TGFBRAP1: variants seen among roughly 807,000 people sequenced by gnomAD.
TGFBRAP1 encodes the protein transforming growth factor beta receptor associated protein 1, also known as transforming growth factor-beta receptor-associated protein 1.
TGFBRAP1 carries 20 observed loss-of-function variants against 83.2 expected under a neutral mutation model. The observed-to-expected ratio is 0.24, with a 90% CI of 0.17 to 0.35. The LOEUF is 0.35. Among genes scored for constraint, TGFBRAP1 ranks in the 10% least tolerant of loss-of-function variants. The pLI is 1.00. For missense variants in TGFBRAP1, 950 were observed against 1,099.4 expected (o/e 0.86, Z 1.92); for synonymous variants, 415 against 459.8 (o/e 0.90, Z 1.25).
intron 10 of TGFBRAP1, among the ~76,000 whole-genome samples, chr2:105,270,735 G>A (rs781370282): frequency 1.3e-5 from 2 of 152,192 alleles, no homozygotes; most frequent in African/African-American, 2.4e-5. Context: ...AATACGCAAC[G>A]CCTTCATCCT....
intron 2 of TGFBRAP1, among the ~76,000 whole-genome samples, chr2:105,301,895 C>A (rs1678306985): frequency 6.6e-6 from 1 of 151,346 alleles, no homozygotes; most frequent in African/African-American, 2.4e-5. Context: ...TGCCACCACA[C>A]CTGGTGAGAT....
intron 4 of TGFBRAP1, among the ~76,000 whole-genome samples, chr2:105,291,236 AG>A (rs750972077): frequency 1.3e-5 from 2 of 152,010 alleles, no homozygotes; most frequent in Non-Finnish European, 2.9e-5. Flanking sequence ...ATCCTGAGAG[AG>A]CTTGCTTCTG....
At chr2:105,274,713 C>A (rs2104320793) in intron 8 of TGFBRAP1, among the ~76,000 whole-genome samples, 1 of 152,328 alleles carries the variant, frequency 6.6e-6, no homozygotes, top group Non-Finnish European at 1.5e-5. Flanking sequence ...AACAAGTATG[C>A]AAAGTGCAAG....
At chr2:105,304,756 C>G (rs1573203092) in intron 2 of TGFBRAP1, among the ~76,000 whole-genome samples, 1 of 152,224 alleles carries the variant, frequency 6.6e-6, no homozygotes, top group African/African-American at 2.4e-5. Context: ...GCACTCCAGC[C>G]TGGGCGACAG....
chr2:105,293,493 G>A (rs1432062220), intron 4 of TGFBRAP1, among the ~76,000 whole-genome samples: 1 of 152,178 alleles, frequency 6.6e-6, no homozygotes, highest in Non-Finnish European at 1.5e-5. Flanking sequence ...TGCTTTAAAT[G>A]AAGGGAAAGG....
At position 105,265,219 on chromosome 2, in the gene TGFBRAP1, C is replaced by T. The variant is rs1676880528; in HGVS notation, c.*2164G>A. 6.6e-6 allele frequency: 1 copy of T among 152,244 alleles called. No individual in the cohort carries two copies. The highest frequency in any genetic ancestry group is 1.5e-5 in the Non-Finnish European group (1 of 68,072). 9.4% of individuals were successfully genotyped at this position (152,244 alleles called of 1,614,324 possible). A position where few individuals can be genotyped will look rare whatever the true frequency, so the allele number is the denominator to read the frequency against. ...GGCGCAGTGGCTCACGCCTGTAATCCCAGCACTTTGGGAGGCCGAGGCAGG... is the reference window on the plus strand; with the variant it reads ...GGCGCAGTGGCTCACGCCTGTAATCTCAGCACTTTGGGAGGCCGAGGCAGG... On this transcript the variant is annotated 3_prime_UTR_variant, in exon 12 of 12. Transcript: ENST00000393359.
chr2:105,316,462 T>TGTGTGTGTGTGCGC (rs1177329674), intron 1 of TGFBRAP1, among the ~76,000 whole-genome samples: 34 of 84,808 alleles, frequency 4.0e-4, no homozygotes, highest in South Asian at 9.3e-4. Flanking sequence ...TGTGTGTGTG[T>TGTGTGTGTGTGCGC]GCGCGCGCGC....
chr2:105,269,764 ACT>A lies in TGFBRAP1; in HGVS notation c.1973-61_1973-60del. ...GGGCTCGCCGGCCACCCGCCCAGCG[ACT>A]GGCCTCCTTGCTGCTCTGGGCTTCA... On this transcript the variant is annotated intron_variant, in intron 10 of 11. Coordinates refer to ENST00000393359, the MANE Select transcript of TGFBRAP1 (RefSeq NM_004257.6). This position sits in a 1 kb window ranked among gnomAD's most constrained non-coding sequence, Gnocchi z 4.1. The A allele has an allele frequency of 7.0e-7, 1 of 1,434,550 alleles. No individual in the cohort carries two copies. Among genetic ancestry groups the A allele is most frequent in the Non-Finnish European group, 9.1e-7 (1 of 1,095,428 alleles). The allele number at this position is 1,434,550 out of a possible 1,614,324, so 88.9% of individuals were successfully genotyped here.
At chr2:105,320,040 G>A (rs1679009659) in intron 1 of TGFBRAP1, among the ~76,000 whole-genome samples, 1 of 151,936 alleles carries the variant, frequency 6.6e-6, no homozygotes, top group South Asian at 2.1e-4. Context: ...TTATTAAAAT[G>A]GGCTCTTTAC....
At position 105,298,583 on chromosome 2, in the gene TGFBRAP1, G is replaced by A. The variant is rs761189637; in HGVS notation, c.811C>T (p.His271Tyr). ...TTCTGTTGCTGATCCAACATGCTGT[G>A]GACTGTGATGAATTCGTCATCGAGC... ...IALDDEFITV[H>Y]SMLDQQQKQT... The change falls in exon 3 of 12, where the codon CAC becomes TAC. Residue 271 changes from histidine to tyrosine, a missense_variant. Transcript: ENST00000393359. The A allele has an allele frequency of 6.2e-7, 1 of 1,614,082 alleles. No individual in the cohort carries two copies. The highest frequency in any genetic ancestry group is 1.1e-5 in the South Asian group (1 of 91,046).
intron 1 of TGFBRAP1, among the ~76,000 whole-genome samples, chr2:105,310,417 T>C (rs2679860): frequency 0.28 from 42,534 of 151,978 alleles, 6,199 homozygotes; most frequent in South Asian, 0.34. Context: ...AAACACAGCC[T>C]GCATCATAAG....
chr2:105,280,486 G>T lies in TGFBRAP1; in HGVS notation c.1359C>A (p.Leu453=), dbSNP rs1480111660. ...GYKEDIDTAL[L]KLYAEADHDS... ...CGTGGTCAGCCTCTGCATACAGTTT[G>T]AGCAAGGCTGTGTCGATGTCCTCCT... is the stretch of plus-strand genomic sequence containing the variant. The change falls in exon 6 of 12, where the codon CTC becomes CTA. Residue 453 remains leucine (L), a synonymous_variant. Coordinates refer to ENST00000393359, the MANE Select transcript of TGFBRAP1 (RefSeq NM_004257.6). 1.2e-6 allele frequency: 2 copies of T among 1,614,062 alleles called. No homozygotes were observed. Among genetic ancestry groups the T allele is most frequent in the African/African-American group, 1.3e-5 (1 of 74,940 alleles).
Position 105,307,942 on chromosome 2 carries a change from G to A in TGFBRAP1, c.360C>T (p.Ala120=). ...VPSGARIKGA[A]TFALNENPVS... is the part of the protein sequence containing the mutation. ...CAGGGTTCTCGTTCAGTGCAAACGT[G>A]GCTGCCCCCTTGATGCGGGCCCCCG... Residue 120 remains alanine (A), a synonymous_variant, in exon 2 of 12, where the codon GCC becomes GCT. Coordinates refer to ENST00000393359, the MANE Select transcript of TGFBRAP1 (RefSeq NM_004257.6). 1.2e-6 allele frequency: 2 copies of A among 1,614,246 alleles called. No individual in the cohort carries two copies. Among genetic ancestry groups the A allele is most frequent in the Non-Finnish European group, 1.7e-6 (2 of 1,180,052 alleles).
intron 4 of TGFBRAP1, among the ~76,000 whole-genome samples, chr2:105,289,556 T>C (rs769714939): frequency 3.9e-5 from 6 of 152,206 alleles, no homozygotes; most frequent in Non-Finnish European, 7.3e-5. Flanking sequence ...TTAATAGTGG[T>C]AGCATGTTAT....
At chr2:105,299,237 C>T (rs531843129) in intron 2 of TGFBRAP1, among the ~76,000 whole-genome samples, 3 of 152,216 alleles carry the variant, frequency 2.0e-5, no homozygotes, top group Admixed American at 6.5e-5. Flanking sequence ...GCCGTGATCA[C>T]GCCACTGTAC....
At chr2:105,319,360 C>T (rs550880788) in intron 1 of TGFBRAP1, among the ~76,000 whole-genome samples, 1 of 146,082 alleles carries the variant, frequency 6.8e-6, no homozygotes, top group Admixed American at 6.8e-5. Context: ...CTGCGCCTGG[C>T]CAAGAGCAAT....
the TGFBRAP1 span, among the ~76,000 whole-genome samples, chr2:105,255,541 G>A: frequency 2.2e-4 from 33 of 149,704 alleles, no homozygotes; most frequent in Admixed American, 1.9e-3. Flanking sequence ...GGCTGGTTTC[G>A]AACTCCTGGC....
At chr2:105,263,561 T>A (rs183056471), downstream of TGFBRAP1, among the ~76,000 whole-genome samples, 413 of 152,002 alleles carry the variant, frequency 2.7e-3, 3 homozygotes, top group Non-Finnish European at 3.6e-3. Context: ...TTCACCCCAA[T>A]CCACTGAAAT....
chr2:105,320,931 G>A (rs1375647704), intron 1 of TGFBRAP1, among the ~76,000 whole-genome samples: 1 of 152,172 alleles, frequency 6.6e-6, no homozygotes, highest in East Asian at 1.9e-4. Flanking sequence ...AATCCCTAAA[G>A]GAAAACACAC....
Sources: gnomAD v4.1 joint callset for allele counts (sites outside exome capture counted in the v4.1 genomes callset) on GRCh38, gnomAD v4.1.1 for gene constraint, Gnocchi (gnomAD v3.1) non-coding constraint, MANE v1.5 for transcripts, NCBI Gene and HGNC (gene_info 2026-07-23, HGNC 2026-07-21) for gene names.